PTPRT: variants seen among roughly 807,000 people sequenced by gnomAD.
PTPRT encodes the protein receptor-type tyrosine-protein phosphatase T.
Under a neutral mutation model 176.8 loss-of-function variants are expected in PTPRT, and 56 were observed. The observed-to-expected ratio is 0.32, with a 90% CI of 0.26 to 0.40. PTPRT has a LOEUF of 0.40. Among genes scored for constraint, PTPRT ranks in the 10% least tolerant of loss-of-function variants. PTPRT has a pLI of 1.00. For synonymous variants in PTPRT, 783 were observed against 739.0 expected, an observed-to-expected ratio of 1.06 and a Z score of -0.96; for missense variants, 1,540 against 1,908.2, an observed-to-expected ratio of 0.81 and a Z score of 3.60.
chr20:42,435,161 T>C (rs1163550076), intron 9 of PTPRT, among the ~76,000 whole-genome samples: 1 of 152,224 alleles, frequency 6.6e-6, no homozygotes, highest in Non-Finnish European at 1.5e-5. Context: ...TGTGTATTTA[T>C]ATGCACATAC....
intron 7 of PTPRT, among the ~76,000 whole-genome samples, chr20:42,608,819 C>T (rs371742784): frequency 8.5e-5 from 13 of 152,220 alleles, no homozygotes; most frequent in African/African-American, 2.9e-4. Flanking sequence ...GAACAAGTGT[C>T]CTAAGAGACC....
intron 5 of PTPRT, among the ~76,000 whole-genome samples, chr20:42,760,380 CTTTTTTTTTTT>C (rs754362528): frequency 1.1e-5 from 1 of 94,244 alleles, no homozygotes; most frequent in Non-Finnish European, 2.1e-5. Context: ...TCTAAATCTG[CTTTTTTTTTTT>C]TTTTTTTTTT....
At chr20:42,342,419 A>G (rs1332934920) in intron 11 of PTPRT, among the ~76,000 whole-genome samples, 1 of 152,162 alleles carries the variant, frequency 6.6e-6, no homozygotes, top group Non-Finnish European at 1.5e-5. Flanking sequence ...TCTCTTATCC[A>G]TGTCCCCCTA....
At chr20:42,517,384 T>C (rs779883943) in intron 7 of PTPRT, among the ~76,000 whole-genome samples, 17 of 152,022 alleles carry the variant, frequency 1.1e-4, no homozygotes, top group Non-Finnish European at 2.2e-4. Flanking sequence ...GGCTTATTTG[T>C]ACCTTCTCTC....
chr20:42,151,383 T>C (rs1171250018), intron 17 of PTPRT, among the ~76,000 whole-genome samples: 1 of 152,254 alleles, frequency 6.6e-6, no homozygotes, highest in East Asian at 1.9e-4. Context: ...CTCCCACTTA[T>C]GAGAACATGT....
chr20:42,573,835 GC>G (rs1329250375), intron 7 of PTPRT, among the ~76,000 whole-genome samples: 1 of 145,840 alleles, frequency 6.9e-6, no homozygotes, highest in Non-Finnish European at 1.5e-5. Flanking sequence ...TGCATGCTCC[GC>G]CCCTCCAGGT....
intron 1 of PTPRT, among the ~76,000 whole-genome samples, chr20:43,118,141 C>G (rs922688606): frequency 2.0e-5 from 3 of 152,132 alleles, no homozygotes; most frequent in African/African-American, 7.2e-5. Flanking sequence ...AAGCAGCTAC[C>G]AGCTGTATGT....
chr20:42,560,525 C>T (rs1368750194), intron 7 of PTPRT, among the ~76,000 whole-genome samples: 1 of 152,166 alleles, frequency 6.6e-6, no homozygotes, highest in African/African-American at 2.4e-5. Context: ...CAAAAATGTC[C>T]TCTGGGGGAA....
intron 1 of PTPRT, among the ~76,000 whole-genome samples, chr20:43,024,679 T>G (rs141562827): frequency 7.9e-5 from 12 of 152,246 alleles, no homozygotes; most frequent in African/African-American, 2.9e-4. Context: ...AATAAAAGTA[T>G]TGACTTGAGT....
At chr20:42,435,740 A>G (rs1474896858) in intron 9 of PTPRT, among the ~76,000 whole-genome samples, 2 of 152,258 alleles carry the variant, frequency 1.3e-5, no homozygotes, top group Non-Finnish European at 1.5e-5. Flanking sequence ...AGGCAATTCT[A>G]ATAAAAACAA....
At chr20:42,609,937 C>T (rs2073946238) in intron 7 of PTPRT, among the ~76,000 whole-genome samples, 1 of 152,222 alleles carries the variant, frequency 6.6e-6, no homozygotes, top group African/African-American at 2.4e-5. Flanking sequence ...TGTGCTGTGG[C>T]CTCCAGGAGC....
chr20:42,616,207 T>C (rs2074074519), intron 7 of PTPRT, among the ~76,000 whole-genome samples: 1 of 124,358 alleles, frequency 8.0e-6, no homozygotes, highest in Non-Finnish European at 1.7e-5. Flanking sequence ...CCTTTCCCCA[T>C]TGCTTGTTTT....
intron 13 of PTPRT, chr20:42,270,361 T>A (rs900328801): frequency 3.5e-5 from 53 of 1,503,394 alleles, no homozygotes; most frequent in Non-Finnish European, 4.2e-5. Flanking sequence ...TGTGGGCAAC[T>A]CTCCCCTCCC....
chr20:42,032,747 G>GCTCTCTCTCCTTCTCTCT, the PTPRT span, among the ~76,000 whole-genome samples: 2 of 151,802 alleles, frequency 1.3e-5, no homozygotes, highest in Non-Finnish European at 2.9e-5. Context: ...TCTTGCTCTT[G>GCTCTCTCTCCTTCTCTCT]CTCTCTCTCC....
At chr20:42,748,183 G>C (rs1349111155) in intron 6 of PTPRT, among the ~76,000 whole-genome samples, 12 of 152,158 alleles carry the variant, frequency 7.9e-5, no homozygotes, top group Non-Finnish European at 1.3e-4. Context: ...TGAAACTATT[G>C]ACTCTAATGC....
intron 1 of PTPRT, among the ~76,000 whole-genome samples, chr20:42,893,317 T>C (rs1479292105): frequency 6.6e-6 from 1 of 152,152 alleles, no homozygotes; most frequent in Non-Finnish European, 1.5e-5. Context: ...TGAGATACCA[T>C]CTCATACCAG....
At chr20:42,986,285 G>A (rs767564608) in intron 1 of PTPRT, among the ~76,000 whole-genome samples, 1 of 152,234 alleles carries the variant, frequency 6.6e-6, no homozygotes, top group Non-Finnish European at 1.5e-5. Context: ...GGAGGGCACA[G>A]ACCCTGAGGT....
At chr20:43,137,409 T>A (rs1263582473) in intron 1 of PTPRT, among the ~76,000 whole-genome samples, 1 of 152,234 alleles carries the variant, frequency 6.6e-6, no homozygotes. Context: ...TTTGGGGCTA[T>A]AACAACAGGA....
At chr20:42,365,099 C>T (rs576995667) in intron 9 of PTPRT, among the ~76,000 whole-genome samples, 1 of 152,250 alleles carries the variant, frequency 6.6e-6, no homozygotes, top group East Asian at 1.9e-4. Context: ...TTCTTTAACC[C>T]AAGGTATCCA....
Sources: allele counts gnomAD v4.1 joint callset (sites outside exome capture counted in the v4.1 genomes callset), GRCh38; gene constraint gnomAD v4.1.1; transcripts MANE v1.5; gene names NCBI Gene and HGNC (gene_info 2026-07-23, HGNC 2026-07-21).